SEMA5A: variants seen among roughly 807,000 people sequenced by gnomAD.
The protein encoded by SEMA5A is semaphorin 5A.
In SEMA5A, 55 loss-of-function variants were observed where a neutral mutation model predicts 135.5. That is an observed-to-expected ratio of 0.41 (90% confidence interval 0.33 to 0.51). SEMA5A has a LOEUF of 0.51. Ranked by LOEUF, SEMA5A falls within the 20% of genes least tolerant of loss-of-function variation. The pLI, the probability that SEMA5A is intolerant of heterozygous loss-of-function variation, is 0.37. For synonymous variants in SEMA5A, 580 were observed against 546.5 expected (o/e 1.06, Z -0.85); for missense variants, 1,290 against 1,419.9 (o/e 0.91, Z 1.47).
chr5:9,081,176 T>C (rs1307584955), intron 16 of SEMA5A, among the ~76,000 whole-genome samples: 1 of 151,994 alleles, frequency 6.6e-6, no homozygotes, highest in East Asian at 1.9e-4. Flanking sequence ...GGCAACTAAA[T>C]CCTACAAATA....
chr5:9,354,954 G>C (rs938124473), intron 3 of SEMA5A, among the ~76,000 whole-genome samples: 54 of 152,162 alleles, frequency 3.5e-4, no homozygotes, highest in Admixed American at 3.5e-3. Context: ...GGAGTGTAAC[G>C]AGAGACAGGA....
At chr5:9,075,621 T>C (rs1051560506) in intron 16 of SEMA5A, among the ~76,000 whole-genome samples, 2 of 150,364 alleles carry the variant, frequency 1.3e-5, no homozygotes, top group African/African-American at 2.4e-5. Flanking sequence ...TGAAAACTAA[T>C]GCATAGAGAC....
In SEMA5A at chr5:9,136,628, A is replaced by ATGGT. The variant is rs751998476; in HGVS notation, c.1482-8_1482-7insACCA. 1,513 of 1,608,582 alleles carry ATGGT rather than the reference A, an allele frequency of 9.4e-4. 2 individuals are homozygous for ATGGT. Among genetic ancestry groups the ATGGT allele is most frequent in the Admixed American group, 1.2e-3 (70 of 60,016 alleles). ...CTGGGCCCCAATGCAGGTGCTGGAA[A>ATGGT]CACACACCAAATGGTCAACAGAAAG... On this transcript the variant is annotated splice_region_variant and splice_polypyrimidine_tract_variant and intron_variant, in intron 12 of 22. Transcript: ENST00000382496.
chr5:9,202,064 G>A lies in SEMA5A; in HGVS notation c.823C>T (p.Arg275Cys), dbSNP rs760855529. The A allele has an allele frequency of 8.7e-6, 14 of 1,614,198 alleles. No individual in the cohort carries two copies. Among genetic ancestry groups the A allele is most frequent in the South Asian group, 1.1e-5 (1 of 91,084 alleles). Reference sequence around the variant, plus strand: ...TCCCCAGGACGGGAGCAGTTCAGGCGAGCCTTCATGAATGTGGTCCAGGTG... The same window carrying A: ...TCCCCAGGACGGGAGCAGTTCAGGCAAGCCTTCATGAATGTGGTCCAGGTG... Reference protein sequence around the residue: ...EDTWTTFMKARLNCSRPGEVP... With the variant: ...EDTWTTFMKACLNCSRPGEVP... Residue 275 changes from arginine to cysteine, a missense_variant, in exon 9 of 23, where the codon CGC (arginine) becomes TGC (cysteine). Around this residue, in one of 3 missense-constraint regions of SEMA5A, gnomAD observed 1,029 missense variants for 1,086.6 expected, o/e 0.95. Coordinates refer to ENST00000382496, the MANE Select transcript of SEMA5A (RefSeq NM_003966.3).
chr5:9,453,207 G>T (rs1758711126), intron 1 of SEMA5A, among the ~76,000 whole-genome samples: 1 of 152,164 alleles, frequency 6.6e-6, no homozygotes. Flanking sequence ...TCACCTGTTA[G>T]CTAAAGTGTA....
In SEMA5A at chr5:9,353,232, AAAGGAAGGAAAGGG is replaced by A. The variant is rs1754260342; in HGVS notation, c.125-15434_125-15421del. 4.8e-5 allele frequency among the ~76,000 whole-genome samples: 7 copies of A among 146,410 alleles called. 1 individual carries two copies. Among genetic ancestry groups the A allele is most frequent in the African/African-American group, 1.8e-4 (7 of 38,488 alleles). On this transcript the variant is annotated intron_variant, in intron 3 of 22. Transcript: ENST00000382496. ...AAAGGAAAGGAAAGGAAAGGAAAGG[AAAGGAAGGAAAGGG>A]AAGGGAAGGGAAGGGAAGCAAAGGA...
intron 11 of SEMA5A, among the ~76,000 whole-genome samples, chr5:9,165,094 C>T (rs986641300): frequency 1.3e-5 from 2 of 152,078 alleles, no homozygotes; most frequent in Non-Finnish European, 2.9e-5. Flanking sequence ...TGTATAATGG[C>T]TTAAATGCTG....
At chr5:9,078,627 C>T (rs1003433164) in intron 16 of SEMA5A, among the ~76,000 whole-genome samples, 3 of 149,376 alleles carry the variant, frequency 2.0e-5, no homozygotes, top group Admixed American at 6.7e-5. Context: ...ACATATGCAA[C>T]AATAAGAAAA....
At chr5:9,050,103 G>A (rs895424437) in intron 21 of SEMA5A, among the ~76,000 whole-genome samples, 1 of 152,176 alleles carries the variant, frequency 6.6e-6, no homozygotes, top group Middle Eastern at 3.2e-3. Context: ...ACCACCAACT[G>A]CTGGGACCTT....
chr5:9,201,816 C>A, intron 9 of SEMA5A, 139 bp downstream of exon 9: 1 of 762,744 alleles, frequency 1.3e-6, no homozygotes, highest in Non-Finnish European at 2.1e-6. Context: ...ACTGAAAAGT[C>A]CTCTTTTTTT....
At chr5:9,102,922 A>G (rs1282600480) in intron 16 of SEMA5A, among the ~76,000 whole-genome samples, 2 of 152,212 alleles carry the variant, frequency 1.3e-5, no homozygotes, top group African/African-American at 4.8e-5. Context: ...GGGCTTACAC[A>G]TACATCACTG....
At chr5:9,523,880 C>T (rs993607501) in intron 1 of SEMA5A, among the ~76,000 whole-genome samples, 5 of 152,206 alleles carry the variant, frequency 3.3e-5, no homozygotes, top group Non-Finnish European at 7.3e-5. Context: ...TTCACGTCCA[C>T]TTAGAACCTC....
chr5:9,119,754 T>C (rs1466400782), intron 14 of SEMA5A, among the ~76,000 whole-genome samples: 1 of 152,188 alleles, frequency 6.6e-6, no homozygotes, highest in Non-Finnish European at 1.5e-5. Context: ...ACAAACTTTA[T>C]TAAAAATTTA....
intron 8 of SEMA5A, among the ~76,000 whole-genome samples, chr5:9,215,684 A>G (rs958832941): frequency 6.6e-6 from 1 of 152,126 alleles, no homozygotes; most frequent in African/African-American, 2.4e-5. Flanking sequence ...TTTTAAGACA[A>G]TACATTTCTG....
At chr5:9,345,256 T>C (rs372397176) in intron 3 of SEMA5A, among the ~76,000 whole-genome samples, 3 of 152,240 alleles carry the variant, frequency 2.0e-5, no homozygotes, top group Admixed American at 6.5e-5. Flanking sequence ...ATATCAAACA[T>C]GTTTCTTTAG....
intron 1 of SEMA5A, among the ~76,000 whole-genome samples, chr5:9,474,138 G>C (rs1759581777): frequency 6.6e-6 from 1 of 152,184 alleles, no homozygotes; most frequent in Non-Finnish European, 1.5e-5. Context: ...GATGCTGACA[G>C]AAAGAAGTCC....
intron 5 of SEMA5A, among the ~76,000 whole-genome samples, chr5:9,239,589 G>A (rs1389377373): frequency 6.6e-6 from 1 of 151,980 alleles, no homozygotes; most frequent in Non-Finnish European, 1.5e-5. Context: ...AGATATCCAC[G>A]TCTTGGCCTT....
At chr5:9,330,482 T>G (rs929811723) in intron 4 of SEMA5A, among the ~76,000 whole-genome samples, 3 of 151,912 alleles carry the variant, frequency 2.0e-5, no homozygotes, top group African/African-American at 7.3e-5. Context: ...AGGAACAGAA[T>G]GGTTAGAAAT....
intron 1 of SEMA5A, among the ~76,000 whole-genome samples, chr5:9,467,572 G>A (rs1214462414): frequency 6.6e-6 from 1 of 152,164 alleles, no homozygotes; most frequent in Admixed American, 6.5e-5. Flanking sequence ...TGGCCAAGTG[G>A]GTATACCTGG....
Sources: allele counts gnomAD v4.1 joint callset (sites outside exome capture counted in the v4.1 genomes callset), GRCh38; gene constraint gnomAD v4.1.1; regional missense constraint gnomAD v4.1.1; transcripts MANE v1.5; gene names NCBI Gene and HGNC (gene_info 2026-07-23, HGNC 2026-07-21).